CFL2: variants seen among roughly 807,000 people sequenced by gnomAD.
CFL2 encodes cofilin 2.
CFL2 carries 10 observed loss-of-function variants against 19.6 expected under a neutral mutation model. That is an observed-to-expected ratio of 0.51 (90% CI 0.31 to 0.86). The LOEUF (loss-of-function observed/expected upper bound fraction) is 0.86. CFL2 is among the 40% of genes least tolerant of loss of function. CFL2 has a pLI of 0.04. For missense variants in CFL2, 125 were observed against 192.1 expected (o/e 0.65, Z 2.06); for synonymous variants, 63 against 66.7 (o/e 0.95, Z 0.27).
In CFL2 at chr14:34,712,420, G is replaced by A. The variant is rs781397638; in HGVS notation, c.*445C>T. 1 of 455,278 alleles carries A rather than the reference G, an allele frequency of 2.2e-6. No homozygotes were observed. Among genetic ancestry groups the A allele is most frequent in the South Asian group, 1.6e-5 (1 of 64,484 alleles). 28.2% of individuals were successfully genotyped at this position (455,278 alleles called of 1,614,324 possible). Reference sequence around the variant, plus strand: ...CACTAAAATAGGCTTGCCAAGGCAGGTGAGGTGTATGAATGCTCAAGCCTC... The same window carrying A: ...CACTAAAATAGGCTTGCCAAGGCAGATGAGGTGTATGAATGCTCAAGCCTC... On this transcript the variant is annotated 3_prime_UTR_variant, in exon 4 of 4. Coordinates refer to ENST00000298159, the MANE Select transcript of CFL2 (RefSeq NM_138638.5).
rs143465827 is a variant in CFL2 at position 34,713,759 on chromosome 14, T to C, written c.4-198A>G. On this transcript the variant is annotated intron_variant, in intron 1 of 3. Coordinates refer to ENST00000298159, the MANE Select transcript of CFL2 (RefSeq NM_138638.5). ...GAGTCTAACTCATCCTGCCCATTCA[T>C]CCTTCTTAAAGGGGTTTGGACGTGG... 119 of 1,611,960 alleles carry C rather than the reference T, an allele frequency of 7.4e-5. 2 individuals carry two copies. In the Middle Eastern group the frequency reaches 1.1e-3, roughly 15 times the overall value.
At position 34,714,422 on chromosome 14, in the gene CFL2, C is replaced by T. The variant is rs1885424944; in HGVS notation, c.3+116G>A. The T allele has an allele frequency of 2.8e-6, 4 of 1,435,024 alleles. No homozygotes were observed. The Admixed American group carries it at 1.0e-4, about 36-fold the overall frequency. 88.9% of individuals were successfully genotyped at this position (1,435,024 alleles called of 1,614,324 possible). On this transcript the variant is annotated intron_variant, in intron 1 of 3. Coordinates refer to ENST00000298159, the MANE Select transcript of CFL2 (RefSeq NM_138638.5). ...GCTGGAGAGCAGCGGAGCCGCAGAG[C>T]AGAAGCGCCCACCTTGGAGGCCAAA... is the stretch of plus-strand genomic sequence containing the variant.
intron 1 of CFL2, chr14:34,713,787 G>A (rs953479935): frequency 1.7e-5 from 27 of 1,607,266 alleles, no homozygotes; most frequent in Non-Finnish European, 2.3e-5. Flanking sequence ...GGACGTGGAA[G>A]CGAAAGGGAC....
intron 1 of CFL2, chr14:34,713,883 G>GT (rs1483456996): frequency 2.8e-6 from 4 of 1,407,272 alleles, no homozygotes; most frequent in Non-Finnish European, 3.8e-6. Flanking sequence ...AATACCTTCT[G>GT]TATTGTGTCA....
rs1193099461 is a variant in CFL2, at chr14:34,711,562, C to G, written c.*1303G>C. Reference sequence around the variant, plus strand: ...CCGAAACATCAGAAGTATCATTAAACTTTTAAAGGACATTTTACAAATTAT... The same window carrying G: ...CCGAAACATCAGAAGTATCATTAAAGTTTTAAAGGACATTTTACAAATTAT... On this transcript the variant is annotated 3_prime_UTR_variant, in exon 4 of 4. Transcript: ENST00000298159. The G allele has an allele frequency of 2.2e-6, 1 of 454,110 alleles. No individual in the cohort carries two copies. The highest frequency in any genetic ancestry group is 2.0e-5 in the African/African-American group (1 of 49,928). The allele number at this position is 454,110 out of a possible 1,614,324, so 28.1% of individuals were successfully genotyped here. A position where few individuals can be genotyped will look rare whatever the true frequency, so the allele number is the denominator to read the frequency against.
In CFL2 at chr14:34,711,154, T is replaced by G. The variant is rs1160526022; in HGVS notation, c.*1711A>C. ...AAATATGGAAAAAATCTAATTATAC[T>G]AAAATTACTTCCACACATTCAAAAA... On this transcript the variant is annotated 3_prime_UTR_variant, in exon 4 of 4. Transcript: ENST00000298159. 1.3e-5 allele frequency: 6 copies of G among 453,456 alleles called. No homozygotes were observed. The highest frequency in any genetic ancestry group is 7.8e-5 in the South Asian group (5 of 64,156). The allele number at this position is 453,456 out of a possible 1,614,324, so 28.1% of individuals were successfully genotyped here.
Position 34,710,817 on chromosome 14 carries a change from A to C in CFL2, c.*2048T>G, listed in dbSNP as rs1172328635. On this transcript the variant is annotated 3_prime_UTR_variant, in exon 4 of 4. Coordinates refer to ENST00000298159, the MANE Select transcript of CFL2 (RefSeq NM_138638.5). ...AGTTAAGGAATCAGCTACAAAAACA[A>C]AAGATACTACATAACTGATTTATAG... 2.2e-6 allele frequency: 1 copy of C among 453,176 alleles called. No homozygotes were observed. The highest frequency in any genetic ancestry group is 4.4e-6 in the Non-Finnish European group (1 of 226,554). 28.1% of individuals were successfully genotyped at this position (453,176 alleles called of 1,614,324 possible).
chr14:34,713,733 G>GGAGT, intron 1 of CFL2, 172 bp from the exon 2 acceptor site: 4 of 1,612,202 alleles, frequency 2.5e-6, no homozygotes, highest in Non-Finnish European at 3.4e-6. Context: ...ATACAGCGAA[G>GGAGT]GAGTCTAACT....
At position 34,710,473 on chromosome 14, in the gene CFL2, C is replaced by A; in HGVS notation, c.*2392G>T. ...ATTTTCATATATTTTATTTTTTAAA[C>A]TCTCATAACTTTGCAAGCTAGCAGT... is the stretch of plus-strand genomic sequence containing the variant. On this transcript the variant is annotated 3_prime_UTR_variant, in exon 4 of 4. Coordinates refer to ENST00000298159, the MANE Select transcript of CFL2 (RefSeq NM_138638.5). 1 of 432,352 alleles carries A rather than the reference C, an allele frequency of 2.3e-6. No individual in the cohort carries two copies. Among genetic ancestry groups the A allele is most frequent in the Non-Finnish European group, 4.6e-6 (1 of 218,348 alleles). 26.8% of individuals were successfully genotyped at this position (432,352 alleles called of 1,614,324 possible).
chr14:34,713,675 A>G, intron 1 of CFL2, 114 bp from the exon 2 acceptor site: 1 of 1,613,270 alleles, frequency 6.2e-7, no homozygotes, highest in Non-Finnish European at 8.5e-7. Context: ...GCACCGTACC[A>G]TGTAAGTCGT....
In CFL2 at chr14:34,714,550, G is replaced by A. The variant is rs1269247083; in HGVS notation, c.-10C>T. On this transcript the variant is annotated 5_prime_UTR_variant, in exon 1 of 4. Transcript: ENST00000298159. Reference sequence around the variant, plus strand: ...GCGCTCGTCTTACCATAGTGCCCTCGGCTGTGGCTGCGGCGGCAGCTCGGG... The same window carrying A: ...GCGCTCGTCTTACCATAGTGCCCTCAGCTGTGGCTGCGGCGGCAGCTCGGG... 6.9e-6 allele frequency: 11 copies of A among 1,587,084 alleles called. No individual in the cohort carries two copies. Among genetic ancestry groups the A allele is most frequent in the Non-Finnish European group, 9.4e-6 (11 of 1,170,166 alleles).
intron 1 of CFL2, 91 bp from the exon 2 acceptor site, chr14:34,713,652 G>C (rs764533210): frequency 1.2e-6 from 2 of 1,613,712 alleles, no homozygotes; most frequent in Non-Finnish European, 8.5e-7. Flanking sequence ...CTTTAGTCTG[G>C]ACATCAAAAA....
Position 34,712,534 on chromosome 14 carries a change from A to C in CFL2, c.*331T>G. 1 of 481,716 alleles carries C rather than the reference A, an allele frequency of 2.1e-6. No individual in the cohort carries two copies. The highest frequency in any genetic ancestry group is 4.1e-6 in the Non-Finnish European group (1 of 245,320). 29.8% of individuals were successfully genotyped at this position (481,716 alleles called of 1,614,324 possible). A position where few individuals can be genotyped will look rare whatever the true frequency, so the allele number is the denominator to read the frequency against. On this transcript the variant is annotated 3_prime_UTR_variant, in exon 4 of 4. Transcript: ENST00000298159. ...GATAATACTTTCAAGGCATTCAATT[A>C]GCTTATCCTTTGCAGTATTCTAAGC...
At position 34,710,622 on chromosome 14, in the gene CFL2, A is replaced by G. The variant is rs1272096132; in HGVS notation, c.*2243T>C. The stretch of plus-strand genomic sequence containing the variant: ...ATTTCAAATGCCAAATTAATCTCAA[A>G]TAACAAGTGAACTATTATTAATTTT... On this transcript the variant is annotated 3_prime_UTR_variant, in exon 4 of 4. Transcript: ENST00000298159. 6 of 433,924 alleles carry G rather than the reference A, an allele frequency of 1.4e-5. No homozygotes were observed. The highest frequency in any genetic ancestry group is 1.2e-4 in the African/African-American group (6 of 48,830). The allele number at this position is 433,924 out of a possible 1,614,324, so 26.9% of individuals were successfully genotyped here. A position where few individuals can be genotyped will look rare whatever the true frequency, so the allele number is the denominator to read the frequency against.
rs1009652769 is a variant in CFL2, at chr14:34,714,446, A to G, written c.3+92T>C. The G allele has an allele frequency of 5.4e-6, 8 of 1,485,546 alleles. No individual in the cohort carries two copies. The Admixed American group carries it at 1.6e-4, about 30-fold the overall frequency. 92.0% of individuals were successfully genotyped at this position (1,485,546 alleles called of 1,614,324 possible). On this transcript the variant is annotated intron_variant, in intron 1 of 3. Transcript: ENST00000298159. ...GCAGAAGCGCCCACCTTGGAGGCCAAAATCAGGTTAAAATGGCGGCCTCAC... is the reference window on the plus strand; with the variant it reads ...GCAGAAGCGCCCACCTTGGAGGCCAGAATCAGGTTAAAATGGCGGCCTCAC...
In CFL2 at chr14:34,710,979, C is replaced by T. The variant is rs544351937; in HGVS notation, c.*1886G>A. 3.3e-5 allele frequency: 15 copies of T among 453,928 alleles called. No individual in the cohort carries two copies. Among genetic ancestry groups the T allele is most frequent in the Non-Finnish European group, 4.9e-5 (11 of 226,788 alleles). 28.1% of individuals were successfully genotyped at this position (453,928 alleles called of 1,614,324 possible). On this transcript the variant is annotated 3_prime_UTR_variant, in exon 4 of 4. Transcript: ENST00000298159. ...AGAGTTTGGCCTTACCAAAAACCAT[C>T]GAAATGTCCAGGATAACTCACAGGG...
intron 1 of CFL2, 26 bp downstream of exon 1, chr14:34,714,512 C>T (rs1469338068): frequency 2.5e-6 from 4 of 1,573,382 alleles, no homozygotes; most frequent in Non-Finnish European, 2.6e-6. Context: ...CTCGCCGCGG[C>T]CTCCCGGCCA....
chr14:34,713,073 T>G lies in CFL2; in HGVS notation c.375A>C (p.Lys125Asn). 6.3e-7 allele frequency: 1 copy of G among 1,586,180 alleles called. No homozygotes were observed. Among genetic ancestry groups the G allele is most frequent in the Non-Finnish European group, 8.6e-7 (1 of 1,165,530 alleles). ...MIYASSKDAIKKKFTGIKHEW... is the reference protein window; with the variant it reads ...MIYASSKDAINKKFTGIKHEW... ...TCAAGTTTGTACCTGTAAATTTCTTTTTAATGGCATCTTTAGAGCTAGCAT... is the reference window on the plus strand; with the variant it reads ...TCAAGTTTGTACCTGTAAATTTCTTGTTAATGGCATCTTTAGAGCTAGCAT... The change falls in exon 3 of 4, where the codon AAA becomes AAC. Residue 125 changes from lysine to asparagine, a missense_variant. By Grantham distance (94) the Lys-to-Asn change is moderately conservative. Transcript: ENST00000298159.
At position 34,711,844 on chromosome 14, in the gene CFL2, C is replaced by G. The variant is rs1885306970; in HGVS notation, c.*1021G>C. On this transcript the variant is annotated 3_prime_UTR_variant, in exon 4 of 4. Transcript: ENST00000298159. ...TATTAGTTGGCCTTAAGATAGAATA[C>G]TTTTTAAACCAAATAGATCCAACAA... 6.6e-6 allele frequency: 3 copies of G among 453,922 alleles called. No homozygotes were observed. The highest frequency in any genetic ancestry group is 4.7e-5 in the South Asian group (3 of 64,216). 28.1% of individuals were successfully genotyped at this position (453,922 alleles called of 1,614,324 possible). A position where few individuals can be genotyped will look rare whatever the true frequency, so the allele number is the denominator to read the frequency against.
Sources: gnomAD v4.1 joint callset for allele counts on GRCh38, gnomAD v4.1.1 for gene constraint, MANE v1.5 for transcripts, NCBI Gene and HGNC (gene_info 2026-07-23, HGNC 2026-07-21) for gene names.